Variants in FAM124A observed in about 807,000 individuals in gnomAD.
FAM124A encodes the protein family with sequence similarity 124 member A.
A neutral mutation model predicts 24.5 loss-of-function variants in FAM124A; 23 were observed. The observed-to-expected ratio is 0.94, with a 90% CI of 0.68 to 1.33. The LOEUF (loss-of-function observed/expected upper bound fraction) is 1.33, where lower values mean the gene tolerates loss of function less well. Ranked by LOEUF, FAM124A falls within the 40% of genes most tolerant of loss-of-function variation. The pLI is 0.00. For missense variants in FAM124A, 623 were observed against 722.8 expected (o/e 0.86, Z 1.58); for synonymous variants, 287 against 314.7 (o/e 0.91, Z 0.93).
Position 51,282,467 on chromosome 13 carries a change from C to T in FAM124A, c.*1211C>T, listed in dbSNP as rs1460209515. 1.3e-5 allele frequency: 2 copies of T among 152,236 alleles called. No homozygotes were observed. Among genetic ancestry groups the T allele is most frequent in the Non-Finnish European group, 2.9e-5 (2 of 68,052 alleles). 9.4% of individuals were successfully genotyped at this position (152,236 alleles called of 1,614,324 possible). A position where few individuals can be genotyped will look rare whatever the true frequency, so the allele number is the denominator to read the frequency against. ...TGAATGGTATTTGAATCTCACCTCC[C>T]TCTCACCTCAGTAAGAGTATGTTTG... On this transcript the variant is annotated 3_prime_UTR_variant, in exon 4 of 4. Coordinates refer to ENST00000322475, the MANE Select transcript of FAM124A (RefSeq NM_001242312.2).
At chr13:51,268,087 C>T (rs963533522) in intron 3 of FAM124A, among the ~76,000 whole-genome samples, 2 of 152,212 alleles carry the variant, frequency 1.3e-5, no homozygotes, top group Admixed American at 1.3e-4. Flanking sequence ...AGAGAAGGAA[C>T]AGGACTTGTT....
intron 3 of FAM124A, among the ~76,000 whole-genome samples, chr13:51,261,277 G>A (rs1954734307): frequency 6.6e-6 from 1 of 152,194 alleles, no homozygotes; most frequent in East Asian, 1.9e-4. Context: ...CGGGGCTAGT[G>A]CAGAGGGTCC....
chr13:51,246,559 G>T (rs1038927377), intron 2 of FAM124A, among the ~76,000 whole-genome samples: 1 of 152,152 alleles, frequency 6.6e-6, no homozygotes, highest in Non-Finnish European at 1.5e-5. Context: ...CTGGGGCAGG[G>T]TCTTAGCCAC....
In FAM124A at chr13:51,251,707, G is replaced by C. The variant is rs1044072433; in HGVS notation, c.340G>C (p.Glu114Gln). 3.1e-6 allele frequency: 5 copies of C among 1,588,200 alleles called. No individual in the cohort carries two copies. The highest frequency in any genetic ancestry group is 2.6e-6 in the Non-Finnish European group (3 of 1,168,698). ...VLFLQEEYGE[E>Q]QILQLHRTLQ... ...GTTCCTGCAGGAGGAGTACGGCGAAGAGCAGATCCTGCAGCTGCACCGCAC... is the reference window on the plus strand; with the variant it reads ...GTTCCTGCAGGAGGAGTACGGCGAACAGCAGATCCTGCAGCTGCACCGCAC... The change falls in exon 3 of 4, where the codon GAG becomes CAG. Residue 114 changes from glutamate (E) to glutamine (Q), a missense_variant. Coordinates refer to ENST00000322475, the MANE Select transcript of FAM124A (RefSeq NM_001242312.2). This position sits in a 1 kb window ranked among gnomAD's most constrained non-coding sequence, Gnocchi z 5.3.
Position 51,238,219 on chromosome 13 carries a change from G to A in FAM124A, c.100+6840G>A, listed in dbSNP as rs112187212. Among the ~76,000 whole-genome samples, 319 of 152,310 alleles carry A rather than the reference G, an allele frequency of 2.1e-3. 7 individuals carry two copies. In the South Asian group the frequency reaches 0.036, roughly 17 times the overall value. On this transcript the variant is annotated intron_variant, in intron 2 of 3. Coordinates refer to ENST00000322475, the MANE Select transcript of FAM124A (RefSeq NM_001242312.2). ...GAAGGTGTTAATGGCCTGGTAGAGC[G>A]TATAAAATCACCAAACTGGAAAATT...
Position 51,272,856 on chromosome 13 carries a change from C to T in FAM124A, c.835-7594C>T, listed in dbSNP as rs1348370027. On this transcript the variant is annotated intron_variant, in intron 3 of 3. Coordinates refer to ENST00000322475, the MANE Select transcript of FAM124A (RefSeq NM_001242312.2). The surrounding 1 kb of genome is among the most constrained non-coding windows in gnomAD (Gnocchi z 4.2). Reference sequence around the variant, plus strand: ...GCAGGAGGCTGAGGGAGTCCCCTCTCGGGAGAACTGGGAGGCTAGTGGCTG... The same window carrying T: ...GCAGGAGGCTGAGGGAGTCCCCTCTTGGGAGAACTGGGAGGCTAGTGGCTG... 2.0e-5 allele frequency among the ~76,000 whole-genome samples: 3 copies of T among 152,142 alleles called. No homozygotes were observed. Among genetic ancestry groups the T allele is most frequent in the Non-Finnish European group, 4.4e-5 (3 of 68,028 alleles).
At chr13:51,229,959 G>A (rs570798648) in intron 1 of FAM124A, among the ~76,000 whole-genome samples, 12 of 152,060 alleles carry the variant, frequency 7.9e-5, no homozygotes, top group Middle Eastern at 3.4e-3. Flanking sequence ...TTCTGCCTTC[G>A]GAGTCCTTCC....
At chr13:51,269,220 A>G (rs1028059760) in intron 3 of FAM124A, among the ~76,000 whole-genome samples, 2 of 152,254 alleles carry the variant, frequency 1.3e-5, no homozygotes, top group African/African-American at 4.8e-5. Flanking sequence ...TACCTGCTTA[A>G]TGGACACTTA....
intron 2 of FAM124A, among the ~76,000 whole-genome samples, chr13:51,250,129 A>G (rs2137675298): frequency 6.6e-6 from 1 of 152,362 alleles, no homozygotes; most frequent in Admixed American, 6.5e-5. Flanking sequence ...AAACCATGTT[A>G]TTGCAGCTGT....
intron 3 of FAM124A, among the ~76,000 whole-genome samples, chr13:51,269,609 T>C (rs1339349471): frequency 6.6e-6 from 1 of 152,208 alleles, no homozygotes; most frequent in Non-Finnish European, 1.5e-5. Context: ...AGAAAATCAA[T>C]ACATTAAATG....
chr13:51,276,255 G>A (rs548404540), intron 3 of FAM124A, among the ~76,000 whole-genome samples: 1 of 152,138 alleles, frequency 6.6e-6, no homozygotes, highest in Non-Finnish European at 1.5e-5. Context: ...GCCACAGGGG[G>A]TGCTAATTAT....
chr13:51,222,659 C>G, intron 1 of FAM124A, 90 bp downstream of exon 1: 1 of 1,148,792 alleles, frequency 8.7e-7, no homozygotes, highest in East Asian at 3.4e-5. Flanking sequence ...CTGATCCGTG[C>G]GACGGGACCG....
chr13:51,261,760 A>G (rs1954741156), intron 3 of FAM124A, among the ~76,000 whole-genome samples: 2 of 152,242 alleles, frequency 1.3e-5, no homozygotes, highest in Admixed American at 6.5e-5. Flanking sequence ...TTCTGCATGT[A>G]GCAAATGGTG....
At chr13:51,267,777 T>C (rs1036301767) in intron 3 of FAM124A, among the ~76,000 whole-genome samples, 1 of 152,162 alleles carries the variant, frequency 6.6e-6, no homozygotes, top group Non-Finnish European at 1.5e-5. Context: ...CAGCTCCAGA[T>C]TGTGGCCAAC....
rs576426301 is a variant in FAM124A at position 51,225,588 on chromosome 13, A to G, written c.68+3019A>G. 7.9e-5 allele frequency among the ~76,000 whole-genome samples: 12 copies of G among 152,326 alleles called. No individual in the cohort carries two copies. In the South Asian group the frequency reaches 2.5e-3, roughly 32 times the overall value. On this transcript the variant is annotated intron_variant, in intron 1 of 3. Transcript: ENST00000322475. ...AGAAGAATATGAATCATTGAAGCCA[A>G]GGGAGGTTTGAGTTTTTGAGAAAGG...
Position 51,281,309 on chromosome 13 carries a change from G to A in FAM124A, c.*53G>A. The A allele has an allele frequency of 6.8e-7, 1 of 1,478,608 alleles. No individual in the cohort carries two copies. The allele number at this position is 1,478,608 out of a possible 1,614,324, so 91.6% of individuals were successfully genotyped here. On this transcript the variant is annotated 3_prime_UTR_variant, in exon 4 of 4. Coordinates refer to ENST00000322475, the MANE Select transcript of FAM124A (RefSeq NM_001242312.2). ...CACAAACTCAGAGACACAGACTCAG[G>A]CCCCACTGCCCCTCTGGCCACTGAG...
At chr13:51,223,731 C>T (rs1466813196) in intron 1 of FAM124A, among the ~76,000 whole-genome samples, 1 of 152,202 alleles carries the variant, frequency 6.6e-6, no homozygotes, top group African/African-American at 2.4e-5. Context: ...TAGCTCTCTA[C>T]AGCACCCAAT....
At chr13:51,230,339 T>A (rs1954361411) in intron 1 of FAM124A, among the ~76,000 whole-genome samples, 3 of 152,216 alleles carry the variant, frequency 2.0e-5, no homozygotes, top group African/African-American at 4.8e-5. Context: ...TGTACTTTTT[T>A]AAATGTGGCA....
At chr13:51,252,600 A>G (rs1954637602) in intron 3 of FAM124A, 1 of 208,580 alleles carries the variant, frequency 4.8e-6, no homozygotes, top group Non-Finnish European at 9.7e-6. Context: ...CTTCCCTCCC[A>G]CAAAGGAACT....
Sources: gnomAD v4.1 joint callset for allele counts (sites outside exome capture counted in the v4.1 genomes callset) on GRCh38, gnomAD v4.1.1 for gene constraint, Gnocchi (gnomAD v3.1) non-coding constraint, MANE v1.5 for transcripts, NCBI Gene and HGNC (gene_info 2026-07-23, HGNC 2026-07-21) for gene names.